The following DPP6 variants were observed in gnomAD, a reference collection of about 807,000 sequenced individuals.
DPP6 encodes A-type potassium channel modulatory protein DPP6.
DPP6 carries 69 observed loss-of-function variants against 122.6 expected under a neutral mutation model. The observed-to-expected ratio is 0.56, with a 90% CI of 0.46 to 0.69. DPP6 has a LOEUF of 0.69. Ranked by LOEUF, DPP6 falls within the 30% of genes least tolerant of loss-of-function variation. DPP6 has a pLI of 0.00. For synonymous variants in DPP6, 418 were observed against 433.1 expected (o/e 0.97, Z 0.43); for missense variants, 928 against 1,116.9 (o/e 0.83, Z 2.41).
At chr7:153,824,691 AC>A in the DPP6 span, among the ~76,000 whole-genome samples, 1 of 150,536 alleles carries the variant, frequency 6.6e-6, no homozygotes, top group Non-Finnish European at 1.5e-5. Context: ...TCTCAAAAAA[AC>A]ATAAAAATAA....
At chr7:154,792,223 C>G (rs1021804552) in intron 10 of DPP6, among the ~76,000 whole-genome samples, 1 of 152,252 alleles carries the variant, frequency 6.6e-6, no homozygotes, top group Non-Finnish European at 1.5e-5. Context: ...CCATTGTGGA[C>G]ATGGAATCTT....
intron 1 of DPP6, among the ~76,000 whole-genome samples, chr7:154,414,525 C>T (rs1816860543): frequency 6.6e-6 from 1 of 152,170 alleles, no homozygotes; most frequent in Non-Finnish European, 1.5e-5. Flanking sequence ...TTCTTTTTAT[C>T]ATCTCTCTCT....
At chr7:154,188,990 G>A (rs1242449633) in intron 1 of DPP6, among the ~76,000 whole-genome samples, 6 of 152,284 alleles carry the variant, frequency 3.9e-5, no homozygotes, top group African/African-American at 7.2e-5. Context: ...GACTTCTTCC[G>A]ACCAGGGAGA....
chr7:154,501,492 C>T (rs1014070675), intron 3 of DPP6, among the ~76,000 whole-genome samples: 5 of 152,102 alleles, frequency 3.3e-5, no homozygotes, highest in Non-Finnish European at 4.4e-5. Context: ...GCCCTGTGTC[C>T]CAGTGACTCC....
chr7:154,040,700 A>AT (rs906445906), intron 1 of DPP6, among the ~76,000 whole-genome samples: 1 of 152,042 alleles, frequency 6.6e-6, no homozygotes, highest in East Asian at 1.9e-4. Context: ...TGCTGAAAGT[A>AT]TTTTTTCCCA....
At chr7:154,583,864 T>C (rs1356308362) in intron 5 of DPP6, among the ~76,000 whole-genome samples, 2 of 152,114 alleles carry the variant, frequency 1.3e-5, no homozygotes, top group African/African-American at 4.8e-5. Context: ...TAATCCCACG[T>C]TGGCCCCACG....
At chr7:154,175,987 C>CG (rs1286247673) in intron 1 of DPP6, among the ~76,000 whole-genome samples, 1 of 152,164 alleles carries the variant, frequency 6.6e-6, no homozygotes, top group Non-Finnish European at 1.5e-5. Flanking sequence ...CATGCCCAGC[C>CG]AGAGGCTGGC....
intron 1 of DPP6, among the ~76,000 whole-genome samples, chr7:154,088,978 C>T (rs560924363): frequency 1.3e-5 from 2 of 152,278 alleles, no homozygotes; most frequent in East Asian, 3.9e-4. Flanking sequence ...ATGCCCTGTC[C>T]TCTGGAAGGA....
intron 4 of DPP6, among the ~76,000 whole-genome samples, chr7:154,544,696 T>G (rs1249568482): frequency 2.0e-5 from 3 of 152,170 alleles, no homozygotes; most frequent in African/African-American, 7.2e-5. Context: ...TTGTGCAAGT[T>G]CTGAATGTCC....
At chr7:154,888,138 G>A (rs1457331832) in intron 23 of DPP6, among the ~76,000 whole-genome samples, 1 of 144,382 alleles carries the variant, frequency 6.9e-6, no homozygotes, top group Non-Finnish European at 1.5e-5. Context: ...GCCCAGTCTA[G>A]AGTGTAGCAG....
At position 154,876,107 on chromosome 7, in the gene DPP6, A is replaced by C. The variant is rs1346701822; in HGVS notation, c.2078+7A>C. ...ACCAGATGGAGGCCGTGCGGTGAGC[A>C]CCCGCCCAGGAAGCAGGAGAGGCCG... On this transcript the variant is annotated splice_region_variant and intron_variant, in intron 20 of 25. Transcript: ENST00000377770. The C allele has an allele frequency of 6.4e-7, 1 of 1,571,246 alleles. No homozygotes were observed. The highest frequency in any genetic ancestry group is 1.3e-5 in the African/African-American group (1 of 74,340).
chr7:154,348,168 G>A (rs1231471780), intron 1 of DPP6, among the ~76,000 whole-genome samples: 6 of 152,020 alleles, frequency 3.9e-5, no homozygotes, highest in Non-Finnish European at 8.8e-5. Flanking sequence ...CTCAGGTGGT[G>A]TAATGAAATC....
chr7:154,371,668 C>G (rs1482826255), intron 1 of DPP6, among the ~76,000 whole-genome samples: 3 of 152,030 alleles, frequency 2.0e-5, no homozygotes, highest in Non-Finnish European at 4.4e-5. Context: ...TCCCTGAATC[C>G]CTGCAACAGA....
At chr7:154,463,634 T>C (rs1399807292) in intron 2 of DPP6, among the ~76,000 whole-genome samples, 1 of 152,072 alleles carries the variant, frequency 6.6e-6, no homozygotes, top group East Asian at 1.9e-4. Context: ...ACTGCCTGAG[T>C]ACCACTGCTA....
intron 1 of DPP6, among the ~76,000 whole-genome samples, chr7:154,401,411 A>G (rs1228998051): frequency 6.7e-6 from 1 of 150,028 alleles, no homozygotes; most frequent in African/African-American, 2.5e-5. Context: ...CAAATTATTG[A>G]TTTATGATTT....
rs556262064 is a variant in DPP6 at position 154,205,370 on chromosome 7, A to G, written c.243+152307A>G. Among the ~76,000 whole-genome samples the G allele has an allele frequency of 3.3e-5, 5 of 152,248 alleles. No individual in the cohort carries two copies. The South Asian group carries it at 8.3e-4, about 25-fold the overall frequency. The stretch of plus-strand genomic sequence containing the variant: ...GCCCTACCCATCCAGAACCCTGACA[A>G]CCACTGATCCATTCTCATTTCTATA... On this transcript the variant is annotated intron_variant, in intron 1 of 25. Coordinates refer to ENST00000377770, the MANE Select transcript of DPP6 (RefSeq NM_130797.4).
At chr7:153,850,802 C>T in the DPP6 span, among the ~76,000 whole-genome samples, 9 of 152,118 alleles carry the variant, frequency 5.9e-5, no homozygotes, top group South Asian at 1.9e-3. Flanking sequence ...GGGAAACTGC[C>T]TCCATGATTT....
chr7:154,458,345 G>C (rs1820982856), intron 2 of DPP6, among the ~76,000 whole-genome samples: 1 of 152,166 alleles, frequency 6.6e-6, no homozygotes, highest in Non-Finnish European at 1.5e-5. Context: ...TGTAAGATGT[G>C]CCTTTGCTCC....
At chr7:153,834,357 T>A in the DPP6 span, among the ~76,000 whole-genome samples, 1 of 152,068 alleles carries the variant, frequency 6.6e-6, no homozygotes, top group Admixed American at 6.5e-5. Flanking sequence ...TAAATTAATT[T>A]CTTTCTATGC....
Sources: gnomAD v4.1 joint callset for allele counts (sites outside exome capture counted in the v4.1 genomes callset) on GRCh38, gnomAD v4.1.1 for gene constraint, MANE v1.5 for transcripts, NCBI Gene and HGNC (gene_info 2026-07-23, HGNC 2026-07-21) for gene names.